PAPSS2: variants seen among roughly 807,000 people sequenced by gnomAD.
The protein encoded by PAPSS2 is 3'-phosphoadenosine 5'-phosphosulfate synthase 2.
A neutral mutation model predicts 66.5 loss-of-function variants in PAPSS2; 61 were observed. The ratio of observed to expected loss-of-function variants is 0.92; its 90% confidence interval spans 0.75 to 1.14. The LOEUF (loss-of-function observed/expected upper bound fraction) is 1.14. PAPSS2 is among the 50% of genes most tolerant of loss of function. PAPSS2 has a pLI of 0.00. For synonymous variants in PAPSS2, 289 were observed against 287.5 expected, an observed-to-expected ratio of 1.01 and a Z score of -0.05; for missense variants, 708 against 789.6, an observed-to-expected ratio of 0.90 and a Z score of 1.24.
chr10:87,726,750 T>A (rs7080206), intron 8 of PAPSS2, among the ~76,000 whole-genome samples: 76,310 of 152,098 alleles, frequency 0.5, 20,091 homozygotes, highest in East Asian at 0.71. Flanking sequence ...CATATTCTCA[T>A]TCCCATAGAT....
At chr10:87,701,501 A>G (rs1268466109) in intron 1 of PAPSS2, among the ~76,000 whole-genome samples, 1 of 150,556 alleles carries the variant, frequency 6.6e-6, no homozygotes, top group African/African-American at 2.4e-5. Flanking sequence ...GGCTCACTGC[A>G]CCCTTGACCT....
At chr10:87,703,137 G>A (rs533083731) in intron 1 of PAPSS2, among the ~76,000 whole-genome samples, 46 of 152,288 alleles carry the variant, frequency 3.0e-4, no homozygotes, top group Non-Finnish European at 5.3e-4. Flanking sequence ...TCTAGGTAAC[G>A]AAGTGTTCAT....
intron 9 of PAPSS2, among the ~76,000 whole-genome samples, chr10:87,734,663 G>GTGTATATATATA (rs1491455056): frequency 2.5e-5 from 2 of 81,098 alleles, no homozygotes; most frequent in African/African-American, 5.3e-5. Flanking sequence ...GAATGTGTGT[G>GTGTATATATATA]TATATATATA....
intron 1 of PAPSS2, among the ~76,000 whole-genome samples, chr10:87,700,174 T>C (rs1264270324): frequency 1.3e-5 from 2 of 152,230 alleles, no homozygotes; most frequent in Non-Finnish European, 2.9e-5. Context: ...CTATTTTAGA[T>C]AATATTGCTA....
chr10:87,673,024 A>G (rs1377126698), intron 1 of PAPSS2, among the ~76,000 whole-genome samples: 4 of 152,310 alleles, frequency 2.6e-5, no homozygotes, highest in South Asian at 2.1e-4. Context: ...GAGAATGTGT[A>G]CTGTCTGATC....
rs938146926 is a variant in PAPSS2, at chr10:87,747,429, TTGAGAA to T, written c.*1461_*1466del. On this transcript the variant is annotated 3_prime_UTR_variant, in exon 13 of 13. Coordinates refer to ENST00000456849, the MANE Select transcript of PAPSS2 (RefSeq NM_001015880.2). Reference sequence around the variant, plus strand: ...CTAATCTTAACTAACAAAAGTTCTTTTGAGAATAAGTTACACACAATGGCCACAGCA... The same window carrying T: ...CTAATCTTAACTAACAAAAGTTCTTTTAAGTTACACACAATGGCCACAGCA... 1 of 152,278 alleles carries T rather than the reference TTGAGAA, an allele frequency of 6.6e-6. No individual in the cohort carries two copies. The highest frequency in any genetic ancestry group is 1.5e-5 in the Non-Finnish European group (1 of 68,052). 9.4% of individuals were successfully genotyped at this position (152,278 alleles called of 1,614,324 possible).
chr10:87,723,716 C>A (rs900902770), intron 8 of PAPSS2, among the ~76,000 whole-genome samples: 5 of 152,020 alleles, frequency 3.3e-5, no homozygotes, highest in African/African-American at 4.8e-5. Context: ...GTTCTAGTAA[C>A]CTTTGGAGAG....
Position 87,727,390 on chromosome 10 carries a change from G to A in PAPSS2, c.987G>A (p.Arg329=), listed in dbSNP as rs775344235. The A allele has an allele frequency of 7.4e-6, 12 of 1,613,866 alleles. No homozygotes were observed. The highest frequency in any genetic ancestry group is 1.0e-5 in the Non-Finnish European group (12 of 1,179,972). The stretch of plus-strand genomic sequence containing the variant: ...TTGTCCTGGCACATGGTGGACGGAG[G>A]GTAGCTATCTTACGAGACGCTGAAT... ...SKFVLAHGGR[R]VAILRDAEFY... Residue 329 remains arginine, a synonymous_variant, in exon 9 of 13, where the codon AGG becomes AGA. Transcript: ENST00000456849.
At chr10:87,733,437 T>C (rs952899435) in intron 9 of PAPSS2, among the ~76,000 whole-genome samples, 15 of 152,238 alleles carry the variant, frequency 9.9e-5, no homozygotes, top group Middle Eastern at 3.2e-3. Context: ...TTCACAATGC[T>C]CTTGGTGAGG....
At chr10:87,728,505 C>T (rs1380862210) in intron 9 of PAPSS2, among the ~76,000 whole-genome samples, 4 of 152,034 alleles carry the variant, frequency 2.6e-5, no homozygotes, top group East Asian at 1.9e-4. Flanking sequence ...TTTGGGAGGC[C>T]GAGGCCAGCA....
intron 1 of PAPSS2, among the ~76,000 whole-genome samples, chr10:87,701,332 CTTTCTTTCTTTCTTTCTTTCTTT>C (rs1853307273): frequency 2.2e-4 from 11 of 51,120 alleles, no homozygotes; most frequent in Admixed American, 4.5e-4. Flanking sequence ...TCCTTCCTTT[CTTTCTTTCTTTCTTTCTTTCTTT>C]CTTTCTTTCT....
intron 1 of PAPSS2, among the ~76,000 whole-genome samples, chr10:87,692,769 A>T (rs1853187143): frequency 6.6e-6 from 1 of 152,136 alleles, no homozygotes; most frequent in East Asian, 1.9e-4. Context: ...CTGTGTGTTG[A>T]TTTCACTTGG....
chr10:87,706,116 G>A (rs1332699385), intron 1 of PAPSS2, among the ~76,000 whole-genome samples: 4,472 of 83,558 alleles, frequency 0.054, 151 homozygotes, highest in Non-Finnish European at 0.061. Flanking sequence ...ATATGTGTGT[G>A]TGTGTGTGTG....
In PAPSS2 at chr10:87,713,189, G is replaced by T; in HGVS notation, c.260G>T (p.Arg87Ile). ...DGDNVRHGLN[R>I]NLGFSPGDRE... ...GACAATGTCCGTCATGGCCTTAACA[G>T]AAATCTCGGATTCTCTCCTGGGGAC... Residue 87 changes from arginine (R) to isoleucine (I), a missense_variant, in exon 3 of 13, where the codon AGA becomes ATA. Physicochemically the swap from Arg to Ile is moderately conservative, Grantham distance 97 (BLOSUM62 -3). Coordinates refer to ENST00000456849, the MANE Select transcript of PAPSS2 (RefSeq NM_001015880.2). 1 of 1,612,966 alleles carries T rather than the reference G, an allele frequency of 6.2e-7. No homozygotes were observed.
chr10:87,734,661 GTGTATA>G lies in PAPSS2; in HGVS notation c.1087-6572_1087-6567del, dbSNP rs1342132409. ...ACTGATAGCACAGAAATGAATGTGT[GTGTATA>G]TATATATATATATATATATATATAT... On this transcript the variant is annotated intron_variant, in intron 9 of 12. Coordinates refer to ENST00000456849, the MANE Select transcript of PAPSS2 (RefSeq NM_001015880.2). 7.1e-4 allele frequency among the ~76,000 whole-genome samples: 64 copies of G among 90,372 alleles called. No homozygotes were observed. In the East Asian group the frequency reaches 7.6e-3, roughly 11 times the overall value. The allele number at this position is 90,372 out of a possible 152,430, so 59.3% of individuals were successfully genotyped here.
At chr10:87,726,768 A>G (rs1564725275) in intron 8 of PAPSS2, among the ~76,000 whole-genome samples, 1 of 152,198 alleles carries the variant, frequency 6.6e-6, no homozygotes, top group Non-Finnish European at 1.5e-5. Context: ...GATTCATATC[A>G]ATTATCTGAT....
intron 9 of PAPSS2, among the ~76,000 whole-genome samples, chr10:87,736,632 C>T (rs893133412): frequency 1.3e-5 from 2 of 152,064 alleles, no homozygotes; most frequent in Admixed American, 6.5e-5. Context: ...TTGTGGGGCC[C>T]AGAGCAAGAA....
Position 87,700,015 on chromosome 10 carries a change from T to C in PAPSS2, c.28-9181T>C, listed in dbSNP as rs535995997. Among the ~76,000 whole-genome samples, 294 of 152,234 alleles carry C rather than the reference T, an allele frequency of 1.9e-3. 4 individuals are homozygous for C. The highest frequency in any genetic ancestry group is 6.8e-3 in the Middle Eastern group (2 of 294). ...TAGCATTTTTCCATGATTTTCAGAC[T>C]TTTTTCTATATAGCCTTATACATAT... On this transcript the variant is annotated intron_variant, in intron 1 of 12. Coordinates refer to ENST00000456849, the MANE Select transcript of PAPSS2 (RefSeq NM_001015880.2).
chr10:87,695,681 G>A (rs1853223487), intron 1 of PAPSS2, among the ~76,000 whole-genome samples: 1 of 152,212 alleles, frequency 6.6e-6, no homozygotes, highest in African/African-American at 2.4e-5. Flanking sequence ...GTTCTTATGT[G>A]ATAGAGATCA....
Sources: allele counts gnomAD v4.1 joint callset (sites outside exome capture counted in the v4.1 genomes callset), GRCh38; gene constraint gnomAD v4.1.1; transcripts MANE v1.5; gene names NCBI Gene and HGNC (gene_info 2026-07-23, HGNC 2026-07-21).